The following ZNF117 variants were observed in gnomAD, a reference collection of about 807,000 sequenced individuals.
ZNF117 encodes the protein zinc finger protein 117.
Under a neutral mutation model 41.2 loss-of-function variants are expected in ZNF117, and 37 were observed. That is an observed-to-expected ratio of 0.90 (90% CI 0.69 to 1.18). The LOEUF (loss-of-function observed/expected upper bound fraction) is 1.18. ZNF117 is among the 50% of genes most tolerant of loss of function. The pLI is 0.00. For missense variants in ZNF117, 546 were observed against 557.5 expected (o/e 0.98, Z 0.21); for synonymous variants, 186 against 186.6 (o/e 1.00, Z 0.02).
chr7:64,982,465 A>T (rs1383133699), upstream of ZNF117, among the ~76,000 whole-genome samples: 1 of 152,186 alleles, frequency 6.6e-6, no homozygotes, highest in Non-Finnish European at 1.5e-5. Flanking sequence ...GAGATGAAAA[A>T]GACATGTTGA....
exon 2 of ZNF117, chr7:64,981,396 T>C (rs1399806110): frequency 1.2e-6 from 2 of 1,613,168 alleles, no homozygotes; most frequent in South Asian, 2.2e-5. Flanking sequence ...CCTAAATGTT[T>C]AGCTACCATC....
At chr7:64,980,660 T>C (rs569765489) in intron 2 of ZNF117, 1 of 152,062 alleles carries the variant, frequency 6.6e-6, no homozygotes, top group South Asian at 2.1e-4. Context: ...AAGAGAATAT[T>C]GTGAGTTGCA....
chr7:64,975,605 G>C (rs1020889424), exon 3 of ZNF117: 3 of 151,964 alleles, frequency 2.0e-5, no homozygotes, highest in African/African-American at 7.2e-5. Flanking sequence ...TGAAAAGCAT[G>C]AAGTAATTTG....
At chr7:64,980,065 T>C (rs1205225786) in intron 2 of ZNF117, 1 of 153,410 alleles carries the variant, frequency 6.5e-6, no homozygotes, top group Non-Finnish European at 1.5e-5. Flanking sequence ...GGAAAGAGAC[T>C]GTACTACAGA....
chr7:64,979,685 T>C (rs1173081542), intron 2 of ZNF117, 149 bp from the exon 4 acceptor site: 3 of 540,870 alleles, frequency 5.5e-6, no homozygotes, highest in Admixed American at 3.8e-5. Flanking sequence ...GACATATAAA[T>C]GTAACAAGAG....
chr7:64,981,102 A>AC (rs1026438548), intron 2 of ZNF117: 5 of 348,762 alleles, frequency 1.4e-5, no homozygotes, highest in African/African-American at 6.5e-5. Flanking sequence ...CAAAACAACA[A>AC]CAAAAAAAAA....
chr7:64,976,827 G>C, exon 3 of ZNF117: 1 of 409,156 alleles, frequency 2.4e-6, no homozygotes, highest in Non-Finnish European at 4.9e-6. Context: ...AAAGTTTCCA[G>C]TATTAATTTT....
chr7:64,973,169 G>C (rs1052466639), downstream of ZNF117: 2 of 151,900 alleles, frequency 1.3e-5, no homozygotes, highest in Non-Finnish European at 2.9e-5. Context: ...CCTCGGAATT[G>C]TAATATCAAT....
exon 3 of ZNF117, chr7:64,978,596 T>A: frequency 3.1e-6 from 5 of 1,612,726 alleles, no homozygotes; most frequent in Non-Finnish European, 4.2e-6. Context: ...CAGTATGAAT[T>A]TTTTTATGGT....
At chr7:64,977,162 A>T (rs760727863) in exon 3 of ZNF117, 30 of 471,192 alleles carry the variant, frequency 6.4e-5, no homozygotes, top group Non-Finnish European at 1.2e-4. Flanking sequence ...TCTCTCCAGT[A>T]TGAATTACCT....
At chr7:64,988,403 C>T (rs1352220910) in intron 1 of ZNF117, among the ~76,000 whole-genome samples, 1 of 152,128 alleles carries the variant, frequency 6.6e-6, no homozygotes, top group Non-Finnish European at 1.5e-5. Context: ...GAAAATTTAA[C>T]ATCTTTCACG....
At chr7:64,977,327 A>G (rs944422597) in exon 3 of ZNF117, 9 of 417,260 alleles carry the variant, frequency 2.2e-5, no homozygotes, top group Non-Finnish European at 3.8e-5. Flanking sequence ...ATTTCTCTCC[A>G]GTGTGAATTA....
rs1362890743 is a variant in ZNF117, at chr7:64,978,178, T to C, written c.1393A>G (p.Ile465Val). 6.2e-7 allele frequency: 1 copy of C among 1,612,682 alleles called. No individual in the cohort carries two copies. Among genetic ancestry groups the C allele is most frequent in the South Asian group, 1.1e-5 (1 of 91,030 alleles). Residue 465 changes from isoleucine to valine, a missense_variant, in exon 3 of 3, where the codon ATA becomes GTA. Transcript: ENST00000620222. ...TACTGTTTCTCTTCAGTATGAATTATCTTATGTGTAGTAAGTGTTGAAGAT... is the reference window on the plus strand; with the variant it reads ...TACTGTTTCTCTTCAGTATGAATTACCTTATGTGTAGTAAGTGTTGAAGAT...
At chr7:64,987,872 G>A (rs898623716) in intron 1 of ZNF117, among the ~76,000 whole-genome samples, 17 of 150,430 alleles carry the variant, frequency 1.1e-4, no homozygotes, top group Middle Eastern at 3.5e-3. Flanking sequence ...TAGTAAAGTC[G>A]TGGACAAATA....
chr7:64,977,857 G>A, exon 3 of ZNF117: 1 of 1,136,774 alleles, frequency 8.8e-7, no homozygotes, highest in Non-Finnish European at 1.3e-6. Flanking sequence ...TGTTTAATAA[G>A]GTTTGATGAT....
upstream of ZNF117, among the ~76,000 whole-genome samples, chr7:64,986,904 A>T (rs1786148177): frequency 6.6e-6 from 1 of 152,208 alleles, no homozygotes; most frequent in Non-Finnish European, 1.5e-5. Flanking sequence ...GCAGAAAATT[A>T]ACAAAGATAT....
chr7:64,981,564 G>C (rs1312187662), intron 1 of ZNF117, 82 bp from the exon 3 acceptor site: 13 of 1,163,658 alleles, frequency 1.1e-5, no homozygotes, highest in Non-Finnish European at 1.6e-5. Flanking sequence ...TAAAGAGAAT[G>C]CAATAGAATA....
Position 64,978,534 on chromosome 7 carries a change from G to C in ZNF117, c.1037C>G (p.Ser346Ter). ...AATTACCTTATGTCTAGTAAGGTTT[G>C]AGAGTTGGTTAAAAGCTTTGCCACA... Residue 346 changes from serine (S) to a stop codon, truncating the protein, a stop_gained, in exon 3 of 3, where the codon TCA (serine) becomes TGA (stop). Coordinates refer to ENST00000620222, the Ensembl canonical transcript of ZNF117. LOFTEE classifies it high-confidence loss of function. 1 of 1,613,292 alleles carries C rather than the reference G, an allele frequency of 6.2e-7. No individual in the cohort carries two copies. Among genetic ancestry groups the C allele is most frequent in the Admixed American group, 1.7e-5 (1 of 59,908 alleles).
In ZNF117 at chr7:64,979,361, G is replaced by A. The variant is rs542151358; in HGVS notation, c.210C>T (p.Asn70=). The A allele has an allele frequency of 6.3e-5, 101 of 1,600,766 alleles. No homozygotes were observed. The South Asian group carries it at 1.1e-3, about 18-fold the overall frequency. The change falls in exon 3 of 3, where the codon AAC becomes AAT. Residue 70 remains asparagine, a synonymous_variant. Coordinates refer to ENST00000620222, the Ensembl canonical transcript of ZNF117. ...TGCTCAAGGTAGTTTTCAAACATTG[G>A]TTAAGTCCACTATAATCTCCTTTGT... is the stretch of plus-strand genomic sequence containing the variant.
Sources: gnomAD v4.1 joint callset for allele counts (sites outside exome capture counted in the v4.1 genomes callset) on GRCh38, gnomAD v4.1.1 for gene constraint, MANE v1.5 for transcripts, NCBI Gene and HGNC (gene_info 2026-07-23, HGNC 2026-07-21) for gene names.